ZDHHC2: variants seen among roughly 807,000 people sequenced by gnomAD.
ZDHHC2 encodes zDHHC palmitoyltransferase 2.
A neutral mutation model predicts 55.6 loss-of-function variants in ZDHHC2; 51 were observed. The observed-to-expected ratio is 0.92, with a 90% confidence interval of 0.73 to 1.16. ZDHHC2 has a LOEUF of 1.16. Ranked by LOEUF, ZDHHC2 falls within the 50% of genes most tolerant of loss-of-function variation. The pLI, the probability that ZDHHC2 is intolerant of heterozygous loss-of-function variation, is 0.00. For missense variants in ZDHHC2, 491 were observed against 442.4 expected, an observed-to-expected ratio of 1.11 and a Z score of -0.99; for synonymous variants, 199 against 152.9, an observed-to-expected ratio of 1.30 and a Z score of -2.22.
Position 17,217,244 on chromosome 8 carries a change from A to G in ZDHHC2, c.*32A>G. 1.3e-6 allele frequency: 2 copies of G among 1,589,072 alleles called. No individual in the cohort carries two copies. Among genetic ancestry groups the G allele is most frequent in the Non-Finnish European group, 1.7e-6 (2 of 1,165,802 alleles). ...AAGCAAGATAAATTCATACTTTATA[A>G]AAGTACGATAATTTTCCCTTTATTG... On this transcript the variant is annotated splice_region_variant and 3_prime_UTR_variant, in exon 12 of 13. Transcript: ENST00000262096.
Position 17,156,614 on chromosome 8 carries a change from C to G in ZDHHC2, c.-110C>G. On this transcript the variant is annotated 5_prime_UTR_variant, in exon 1 of 13. Transcript: ENST00000262096. The stretch of plus-strand genomic sequence containing the variant: ...GCGGCGGCAGTGGCCGCAGCGCACC[C>G]CGCCGCCGCCCAGGAGCCCGTCCAG... 1 of 901,668 alleles carries G rather than the reference C, an allele frequency of 1.1e-6. No individual in the cohort carries two copies. The highest frequency in any genetic ancestry group is 1.3e-6 in the Non-Finnish European group (1 of 741,354). 55.9% of individuals were successfully genotyped at this position (901,668 alleles called of 1,614,324 possible).
chr8:17,197,463 A>G, intron 4 of ZDHHC2, 119 bp from the exon 5 acceptor site: 1 of 833,876 alleles, frequency 1.2e-6, no homozygotes, highest in Non-Finnish European at 1.8e-6. Flanking sequence ...TTATTTTTTT[A>G]CCATATTTAA....
chr8:17,200,148 T>C (rs1254099879), intron 6 of ZDHHC2, among the ~76,000 whole-genome samples: 2 of 152,248 alleles, frequency 1.3e-5, no homozygotes, highest in African/African-American at 4.8e-5. Flanking sequence ...ACCTGCTGAA[T>C]TCATGGCATC....
chr8:17,174,775 A>G (rs971089952), intron 1 of ZDHHC2, among the ~76,000 whole-genome samples: 1 of 132,664 alleles, frequency 7.5e-6, no homozygotes, highest in African/African-American at 2.9e-5. Context: ...CAGTGGCACT[A>G]TCTCAGCTCA....
chr8:17,208,890 T>C (rs1256794511), intron 8 of ZDHHC2, among the ~76,000 whole-genome samples: 2 of 152,158 alleles, frequency 1.3e-5, no homozygotes, highest in Non-Finnish European at 2.9e-5. Context: ...CCCTGGATAA[T>C]ATGATCCTTT....
intron 6 of ZDHHC2, among the ~76,000 whole-genome samples, chr8:17,203,234 A>G (rs911967165): frequency 6.7e-6 from 1 of 150,244 alleles, no homozygotes; most frequent in Non-Finnish European, 1.5e-5. Flanking sequence ...TAATTTTTGT[A>G]TTTTTATTTT....
intron 1 of ZDHHC2, among the ~76,000 whole-genome samples, chr8:17,180,988 G>T (rs1326173999): frequency 2.6e-5 from 4 of 152,130 alleles, no homozygotes; most frequent in Non-Finnish European, 5.9e-5. Context: ...TAAAGGAACA[G>T]GAACCATTTT....
chr8:17,166,165 G>A (rs542857516), intron 1 of ZDHHC2, among the ~76,000 whole-genome samples: 1 of 152,254 alleles, frequency 6.6e-6, no homozygotes, highest in African/African-American at 2.4e-5. Flanking sequence ...AGATCTTTCT[G>A]GCCGCTGTGG....
chr8:17,183,729 A>G lies in ZDHHC2; in HGVS notation c.131-1060A>G, dbSNP rs533556312. On this transcript the variant is annotated intron_variant, in intron 1 of 12. Transcript: ENST00000262096. The stretch of plus-strand genomic sequence containing the variant: ...TTTGGAAGCCTCAGTATCACAGGTA[A>G]AAGTCACAAAGCAGCCAATTTCAAC... Among the ~76,000 whole-genome samples, 4 of 152,244 alleles carry G rather than the reference A, an allele frequency of 2.6e-5. No homozygotes were observed. The East Asian group carries it at 7.7e-4, about 29-fold the overall frequency.
chr8:17,214,632 G>A (rs34828815), intron 10 of ZDHHC2, among the ~76,000 whole-genome samples: 27 of 152,076 alleles, frequency 1.8e-4, no homozygotes, highest in South Asian at 4.1e-4. Flanking sequence ...AAATAGGCCC[G>A]GTGTGGTGGC....
At chr8:17,194,076 G>A (rs945978993) in intron 3 of ZDHHC2, among the ~76,000 whole-genome samples, 17 of 152,028 alleles carry the variant, frequency 1.1e-4, no homozygotes, top group Non-Finnish European at 1.5e-4. Flanking sequence ...CTTCATCCAC[G>A]TCCCTGCAAA....
At chr8:17,213,205 T>C (rs1257761420) in intron 10 of ZDHHC2, among the ~76,000 whole-genome samples, 5 of 152,134 alleles carry the variant, frequency 3.3e-5, no homozygotes, top group Non-Finnish European at 7.4e-5. Flanking sequence ...TGATAACCCT[T>C]TGTAAAATAG....
chr8:17,208,511 G>A (rs1381179668), intron 8 of ZDHHC2, among the ~76,000 whole-genome samples: 2 of 151,940 alleles, frequency 1.3e-5, no homozygotes, highest in Non-Finnish European at 2.9e-5. Flanking sequence ...GCTATGTAGA[G>A]TTTCTAGCTC....
chr8:17,184,836 G>C (rs1310653273), intron 2 of ZDHHC2, 21 bp downstream of exon 2: 6 of 1,526,050 alleles, frequency 3.9e-6, no homozygotes, highest in Non-Finnish European at 5.3e-6. Flanking sequence ...TTATATTAAT[G>C]TTATAGATTT....
At chr8:17,200,913 C>T (rs762789430) in intron 6 of ZDHHC2, among the ~76,000 whole-genome samples, 7 of 152,154 alleles carry the variant, frequency 4.6e-5, no homozygotes, top group Non-Finnish European at 1.0e-4. Context: ...ACTTCCCTTG[C>T]GGCATCCACT....
chr8:17,210,275 AT>A (rs918554774), intron 9 of ZDHHC2, 112 bp from the exon 10 acceptor site: 274 of 1,156,758 alleles, frequency 2.4e-4, no homozygotes, highest in Non-Finnish European at 2.6e-4. Context: ...TCTAATACAC[AT>A]TTTTTTTGCC....
intron 10 of ZDHHC2, among the ~76,000 whole-genome samples, chr8:17,214,929 A>G (rs1028922410): frequency 2.0e-5 from 3 of 152,116 alleles, no homozygotes; most frequent in African/African-American, 7.2e-5. Context: ...ATAATAAAAT[A>G]CTGTTATTAA....
intron 1 of ZDHHC2, among the ~76,000 whole-genome samples, chr8:17,170,770 T>G (rs190597908): frequency 1.3e-5 from 2 of 152,364 alleles, no homozygotes; most frequent in Non-Finnish European, 1.5e-5. Context: ...TAAAAAATAC[T>G]CTACAAAAAT....
chr8:17,219,114 G>T (rs1057074733), intron 12 of ZDHHC2, among the ~76,000 whole-genome samples: 1 of 151,644 alleles, frequency 6.6e-6, no homozygotes, highest in Non-Finnish European at 1.5e-5. Flanking sequence ...GACGGATGTG[G>T]TGTGGCGCAC....
Sources: gnomAD v4.1 joint callset for allele counts (sites outside exome capture counted in the v4.1 genomes callset) on GRCh38, gnomAD v4.1.1 for gene constraint, MANE v1.5 for transcripts, NCBI Gene and HGNC (gene_info 2026-07-23, HGNC 2026-07-21) for gene names.